Variants in NAALADL2 observed in about 807,000 individuals in gnomAD.
NAALADL2 encodes inactive N-acetylated-alpha-linked acidic dipeptidase-like protein 2.
A neutral mutation model predicts 87.2 loss-of-function variants in NAALADL2; 76 were observed. The ratio of observed to expected loss-of-function variants is 0.87; its 90% CI spans 0.72 to 1.05. The LOEUF is 1.05. Ranked by LOEUF, NAALADL2 falls within the 50% of genes least tolerant of loss-of-function variation. NAALADL2 has a pLI of 0.00. For synonymous variants in NAALADL2, 354 were observed against 331.0 expected (o/e 1.07, Z -0.75); for missense variants, 1,089 against 945.8 (o/e 1.15, Z -1.99).
intron 5 of NAALADL2, among the ~76,000 whole-genome samples, chr3:175,355,451 G>T (rs944852819): frequency 2.0e-5 from 3 of 152,092 alleles, no homozygotes; most frequent in African/African-American, 7.2e-5. Context: ...TGATATTGTA[G>T]GCACTGTGGA....
At chr3:174,766,336 G>C (rs1207454354) in intron 3 of NAALADL2, among the ~76,000 whole-genome samples, 1 of 152,198 alleles carries the variant, frequency 6.6e-6, no homozygotes, top group East Asian at 1.9e-4. Flanking sequence ...TGTCCTGACA[G>C]CTACTGGCAT....
chr3:175,508,967 T>A (rs1730751334), intron 9 of NAALADL2, among the ~76,000 whole-genome samples: 1 of 151,798 alleles, frequency 6.6e-6, no homozygotes, highest in Non-Finnish European at 1.5e-5. Context: ...AATACAAAAA[T>A]TAGCCAGGCC....
intron 9 of NAALADL2, among the ~76,000 whole-genome samples, chr3:175,499,824 G>C (rs527412732): frequency 3.5e-4 from 53 of 151,994 alleles, no homozygotes; most frequent in African/African-American, 1.0e-3. Context: ...TCTTCTACTT[G>C]TAGGAAGCCT....
chr3:174,766,230 C>T (rs1234452631), intron 3 of NAALADL2, among the ~76,000 whole-genome samples: 2 of 152,088 alleles, frequency 1.3e-5, no homozygotes, highest in African/African-American at 2.4e-5. Context: ...CTGGTTTTGT[C>T]TTCCAGAAAT....
intron 2 of NAALADL2, among the ~76,000 whole-genome samples, chr3:175,148,092 A>ATAT (rs1731022906): frequency 1.0e-5 from 1 of 98,204 alleles, no homozygotes; most frequent in South Asian, 2.8e-4. Context: ...AATGATAATG[A>ATAT]TAATAATAAT....
intron 2 of NAALADL2, among the ~76,000 whole-genome samples, chr3:174,635,634 C>T (rs1311940024): frequency 6.6e-6 from 1 of 151,818 alleles, no homozygotes; most frequent in Non-Finnish European, 1.5e-5. Flanking sequence ...TGTCAAGTAG[C>T]TGGGATTACA....
intron 1 of NAALADL2, among the ~76,000 whole-genome samples, chr3:175,049,083 G>C (rs1485989742): frequency 6.6e-6 from 1 of 152,062 alleles, no homozygotes; most frequent in Admixed American, 6.6e-5. Context: ...ACCTTGAATA[G>C]TACTCAACCC....
At chr3:175,087,337 G>T (rs1203147334) in intron 1 of NAALADL2, among the ~76,000 whole-genome samples, 1 of 152,110 alleles carries the variant, frequency 6.6e-6, no homozygotes, top group African/African-American at 2.4e-5. Context: ...GGTTGGGGGC[G>T]CCTCTGCACG....
intron 5 of NAALADL2, among the ~76,000 whole-genome samples, chr3:175,381,670 A>G (rs1767801604): frequency 6.6e-6 from 1 of 152,198 alleles, no homozygotes; most frequent in African/African-American, 2.4e-5. Context: ...ATAAGAACTC[A>G]CAAAAAAATT....
chr3:174,922,088 T>G (rs1042467280), intron 1 of NAALADL2, among the ~76,000 whole-genome samples: 1 of 152,020 alleles, frequency 6.6e-6, no homozygotes, highest in African/African-American at 2.4e-5. Flanking sequence ...GGAGGATTGC[T>G]TAAGTCCAGG....
In NAALADL2 at chr3:174,775,119, A is replaced by T. The variant is rs190231416; in HGVS notation, c.-9+37373A>T. On this transcript the variant is annotated intron_variant, in intron 3 of 3. Transcript: ENST00000434257. The stretch of plus-strand genomic sequence containing the variant: ...GCTTTACTAGTATATATATACATAT[A>T]TATGCTTTAATGACCCTATTGAGAT... Among the ~76,000 whole-genome samples, 224 of 152,262 alleles carry T rather than the reference A, an allele frequency of 1.5e-3. 1 individual carries two copies. The highest frequency in any genetic ancestry group is 5.2e-3 in the African/African-American group (218 of 41,566).
chr3:174,472,677 A>C (rs182665121), intron 1 of NAALADL2, among the ~76,000 whole-genome samples: 42 of 152,168 alleles, frequency 2.8e-4, no homozygotes, highest in Admixed American at 4.6e-4. Context: ...TGTCATTGTC[A>C]TACATATTTT....
At chr3:175,235,480 T>G (rs1243175635) in intron 3 of NAALADL2, 1 of 152,218 alleles carries the variant, frequency 6.6e-6, no homozygotes, top group Non-Finnish European at 1.5e-5. Flanking sequence ...AATATTATGC[T>G]CTTTCTGGCA....
intron 2 of NAALADL2, among the ~76,000 whole-genome samples, chr3:175,115,952 A>T (rs576820676): frequency 6.6e-6 from 1 of 151,908 alleles, no homozygotes; most frequent in Non-Finnish European, 1.5e-5. Context: ...AATAAATGTA[A>T]TCCATCTTGT....
chr3:174,890,881 T>C (rs1730793459), intron 1 of NAALADL2, among the ~76,000 whole-genome samples: 1 of 152,174 alleles, frequency 6.6e-6, no homozygotes, highest in African/African-American at 2.4e-5. Flanking sequence ...ACTTGTGGAA[T>C]TCAGATATTC....
chr3:175,177,386 C>T (rs1050421937), intron 2 of NAALADL2, among the ~76,000 whole-genome samples: 2 of 151,988 alleles, frequency 1.3e-5, no homozygotes, highest in African/African-American at 4.8e-5. Flanking sequence ...TTCAGAATCA[C>T]TTATAAAGAA....
chr3:175,611,113 A>C (rs1403569697), intron 10 of NAALADL2, among the ~76,000 whole-genome samples: 2 of 152,094 alleles, frequency 1.3e-5, no homozygotes, highest in African/African-American at 4.8e-5. Flanking sequence ...CTACCATGCT[A>C]TCTGTATGGA....
At position 175,477,506 on chromosome 3, in the gene NAALADL2, G is replaced by T. The variant is rs918986762; in HGVS notation, c.1653+5748G>T. On this transcript the variant is annotated intron_variant, in intron 9 of 13. Coordinates refer to ENST00000454872, the MANE Select transcript of NAALADL2 (RefSeq NM_207015.3). ...TTTAGAGCTGTTGAAAGGGGAAAAGGCCAAATGAATTAAAGTCCTAACCAG... is the reference window on the plus strand; with the variant it reads ...TTTAGAGCTGTTGAAAGGGGAAAAGTCCAAATGAATTAAAGTCCTAACCAG... Among the ~76,000 whole-genome samples the T allele has an allele frequency of 2.6e-5, 4 of 152,158 alleles. No individual in the cohort carries two copies. The East Asian group carries it at 7.7e-4, about 29-fold the overall frequency.
chr3:175,346,156 G>GAA (rs1184670565), intron 5 of NAALADL2, among the ~76,000 whole-genome samples: 1 of 151,738 alleles, frequency 6.6e-6, no homozygotes, highest in Non-Finnish European at 1.5e-5. Context: ...ATATATAAAT[G>GAA]AAATATATTC....
Sources: gnomAD v4.1 joint callset for allele counts (sites outside exome capture counted in the v4.1 genomes callset) on GRCh38, gnomAD v4.1.1 for gene constraint, MANE v1.5 for transcripts, NCBI Gene and HGNC (gene_info 2026-07-23, HGNC 2026-07-21) for gene names.